Variants in RIMS2 observed in about 807,000 individuals in gnomAD.
The protein encoded by RIMS2 is regulating synaptic membrane exocytosis protein 2.
In RIMS2, 59 loss-of-function variants were observed where a neutral mutation model predicts 174.4. That is an observed-to-expected ratio of 0.34 (90% CI 0.27 to 0.42). The LOEUF is 0.42. Among genes scored for constraint, RIMS2 ranks in the 10% least tolerant of loss-of-function variants. The pLI, the probability that RIMS2 is intolerant of heterozygous loss-of-function variation, is 1.00. For synonymous variants in RIMS2, 606 were observed against 572.5 expected (o/e 1.06, Z -0.84); for missense variants, 1,620 against 1,666.3 (o/e 0.97, Z 0.48).
intron 19 of RIMS2, among the ~76,000 whole-genome samples, chr8:104,144,215 T>C (rs2098609327): frequency 6.6e-6 from 1 of 152,226 alleles, no homozygotes. Context: ...AATCTCTGTA[T>C]TGGCAGTTTT....
intron 3 of RIMS2, among the ~76,000 whole-genome samples, chr8:103,819,912 T>G (rs2098741368): frequency 6.6e-6 from 1 of 152,116 alleles, no homozygotes; most frequent in African/African-American, 2.4e-5. Flanking sequence ...TAAAATGACT[T>G]AAAAATGCCC....
intron 3 of RIMS2, among the ~76,000 whole-genome samples, chr8:103,784,107 A>G (rs2098418140): frequency 6.8e-6 from 1 of 146,744 alleles, no homozygotes; most frequent in African/African-American, 2.5e-5. Flanking sequence ...CCACTTTTTG[A>G]TGGGGTTGTT....
At chr8:104,134,451 C>T (rs555999096) in intron 19 of RIMS2, among the ~76,000 whole-genome samples, 76 of 152,268 alleles carry the variant, frequency 5.0e-4, no homozygotes, top group African/African-American at 1.8e-3. Context: ...GGTGACAGAG[C>T]GAGACTTCAT....
intron 3 of RIMS2, among the ~76,000 whole-genome samples, chr8:103,843,131 T>C (rs2098949949): frequency 6.6e-6 from 1 of 152,242 alleles, no homozygotes; most frequent in South Asian, 2.1e-4. Context: ...AGCTTCAACA[T>C]GAATTTTGAG....
chr8:103,767,724 A>G (rs1296658738), intron 3 of RIMS2, among the ~76,000 whole-genome samples: 2 of 152,212 alleles, frequency 1.3e-5, no homozygotes, highest in East Asian at 1.9e-4. Flanking sequence ...ACTCCAATAC[A>G]TTGCTGGATC....
chr8:103,535,353 T>G (rs902634227), intron 1 of RIMS2, among the ~76,000 whole-genome samples: 2 of 152,240 alleles, frequency 1.3e-5, no homozygotes, highest in Non-Finnish European at 2.9e-5. Context: ...AAAAGCCTTC[T>G]CTCTACCTAG....
At chr8:103,741,979 C>T (rs186450796) in intron 2 of RIMS2, among the ~76,000 whole-genome samples, 1 of 152,060 alleles carries the variant, frequency 6.6e-6, no homozygotes, top group East Asian at 1.9e-4. Context: ...TATGAGTGCA[C>T]CCTGTTTACT....
intron 1 of RIMS2, among the ~76,000 whole-genome samples, chr8:103,610,260 A>C (rs1281900954): frequency 6.6e-6 from 1 of 152,156 alleles, no homozygotes; most frequent in Non-Finnish European, 1.5e-5. Context: ...ATAGATATAG[A>C]ACTATGTCAT....
chr8:103,910,563 C>T (rs746261086), intron 5 of RIMS2, 34 bp downstream of exon 8: 11 of 1,296,064 alleles, frequency 8.5e-6, no homozygotes, highest in Non-Finnish European at 1.2e-5. Flanking sequence ...TTTTAACCTG[C>T]TCATTTGGTC....
chr8:103,502,827 A>G (rs540864279), intron 1 of RIMS2, among the ~76,000 whole-genome samples: 3 of 152,206 alleles, frequency 2.0e-5, no homozygotes, highest in Admixed American at 6.5e-5. Context: ...TCTTCATAGT[A>G]GAAATACTAT....
Position 103,693,378 on chromosome 8 carries a change from A to T in RIMS2, c.177-3708A>T, listed in dbSNP as rs2097057368. On this transcript the variant is annotated intron_variant, in intron 1 of 23. Transcript: ENST00000504942. ...GCTCACTTGATCTTTGGTCCTTATG[A>T]CCGTGCTTTTTTATGAGGATAGTTG... Among the ~76,000 whole-genome samples the T allele has an allele frequency of 4.6e-5, 7 of 152,264 alleles. 1 individual carries two copies. The South Asian group carries it at 1.5e-3, about 32-fold the overall frequency.
At chr8:103,736,076 G>A (rs1245501713) in intron 2 of RIMS2, among the ~76,000 whole-genome samples, 2 of 151,932 alleles carry the variant, frequency 1.3e-5, no homozygotes, top group Admixed American at 6.6e-5. Flanking sequence ...TTCCTTTGTG[G>A]CACCTTGGCT....
intron 3 of RIMS2, among the ~76,000 whole-genome samples, chr8:103,804,282 A>C (rs2098635410): frequency 6.6e-6 from 1 of 152,198 alleles, no homozygotes; most frequent in African/African-American, 2.4e-5. Flanking sequence ...AGAATCAAAA[A>C]GGCAAATAAC....
intron 17 of RIMS2, among the ~76,000 whole-genome samples, chr8:104,012,454 G>A (rs1460093922): frequency 9.9e-5 from 15 of 151,570 alleles, no homozygotes; most frequent in Non-Finnish European, 8.8e-5. Flanking sequence ...AGCTTTGAGG[G>A]AGACTAATGC....
chr8:104,199,739 C>A (rs11985151), intron 19 of RIMS2, among the ~76,000 whole-genome samples: 1 of 152,090 alleles, frequency 6.6e-6, no homozygotes, highest in Non-Finnish European at 1.5e-5. Flanking sequence ...ATTCTATGAG[C>A]GGCACACAAT....
intron 19 of RIMS2, among the ~76,000 whole-genome samples, chr8:104,023,025 A>G (rs954938041): frequency 6.6e-6 from 1 of 152,198 alleles, no homozygotes; most frequent in Admixed American, 6.5e-5. Flanking sequence ...TCCTTTTGCT[A>G]TCTTCTGAGA....
chr8:104,049,569 C>T (rs12675096), intron 19 of RIMS2, among the ~76,000 whole-genome samples: 2,008 of 152,196 alleles, frequency 0.013, 28 homozygotes, highest in Middle Eastern at 0.11. Context: ...AAGGCCAATG[C>T]GATCTTGGAC....
At chr8:104,013,348 C>T in intron 17 of RIMS2, 94 bp from the exon 20 acceptor site, 1 of 989,668 alleles carries the variant, frequency 1.0e-6, no homozygotes, top group Non-Finnish European at 1.5e-6. Context: ...TAATTTTAAA[C>T]AATTACCTTT....
chr8:104,178,418 C>A (rs1036794677), intron 19 of RIMS2, among the ~76,000 whole-genome samples: 1 of 152,090 alleles, frequency 6.6e-6, no homozygotes, highest in Non-Finnish European at 1.5e-5. Flanking sequence ...GTGTTTTCAG[C>A]CTCTAATCTT....
Sources: gnomAD v4.1 joint callset for allele counts (sites outside exome capture counted in the v4.1 genomes callset) on GRCh38, gnomAD v4.1.1 for gene constraint, MANE v1.5 for transcripts, NCBI Gene and HGNC (gene_info 2026-07-23, HGNC 2026-07-21) for gene names.